Variants in IRAG1 observed in about 807,000 individuals in gnomAD.
IRAG1 encodes inositol 1,4,5-triphosphate receptor associated 1, also known as IP3R-associated cGMP kinase substrate.
IRAG1 carries 62 observed loss-of-function variants against 106.2 expected under a neutral mutation model. That is an observed-to-expected ratio of 0.58 (90% CI 0.48 to 0.72). IRAG1 has a LOEUF of 0.72. Ranked by LOEUF, IRAG1 falls within the 30% of genes least tolerant of loss-of-function variation. IRAG1 has a pLI of 0.00. For synonymous variants in IRAG1, 462 were observed against 443.9 expected, an observed-to-expected ratio of 1.04 and a Z score of -0.51; for missense variants, 1,064 against 1,140.7, an observed-to-expected ratio of 0.93 and a Z score of 0.97.
intron 2 of IRAG1, among the ~76,000 whole-genome samples, chr11:10,651,245 C>G (rs1026778163): frequency 2.0e-5 from 3 of 152,172 alleles, no homozygotes; most frequent in African/African-American, 7.2e-5. Context: ...CAAATAGGTT[C>G]TTCAAAAGGG....
At chr11:10,606,544 A>C (rs1403320532) in intron 12 of IRAG1, among the ~76,000 whole-genome samples, 198 bp downstream of exon 12, 1 of 152,206 alleles carries the variant, frequency 6.6e-6, no homozygotes, top group African/African-American at 2.4e-5. Flanking sequence ...CAAATTTGTC[A>C]AAATCTTCCA....
Position 10,626,526 on chromosome 11 carries a change from C to T in IRAG1, c.808G>A (p.Gly270Ser). 1 of 1,613,298 alleles carries T rather than the reference C, an allele frequency of 6.2e-7. No individual in the cohort carries two copies. The highest frequency in any genetic ancestry group is 8.5e-7 in the Non-Finnish European group (1 of 1,179,570). Residue 270 changes from glycine to serine, a missense_variant, in exon 9 of 21, where the codon GGC becomes AGC. Physicochemically the swap from Gly to Ser is moderately conservative, Grantham distance 56 (BLOSUM62 0). Transcript: ENST00000423302. ...GGAGGAGGACGAGGAGCCAGCCTGC[C>T]CTGAGACACTTTCCTCTGGTCATTC... ...KQNDQRKVSQ[G>S]RLAPRPPPVE...
In IRAG1 at chr11:10,639,087, T is replaced by G. The variant is rs187540697; in HGVS notation, c.226-5016A>C. 7.3e-4 allele frequency among the ~76,000 whole-genome samples: 111 copies of G among 152,086 alleles called. 3 individuals are homozygous for G. The East Asian group carries it at 0.02, about 27-fold the overall frequency. The stretch of plus-strand genomic sequence containing the variant: ...GGCATGCACCACCATGCCCAGCTAA[T>G]TTTTGTATTTTTAGTAGAGATGGGG... On this transcript the variant is annotated intron_variant, in intron 2 of 20. Transcript: ENST00000423302.
rs777744783 is a variant in IRAG1, at chr11:10,626,270, A to G, written c.1064T>C (p.Val355Ala). ...TCTCCCCTGGGAGGCTGGGGGACCC[A>G]CTCCTGCCGCATCCTGGGTTGGACT... ...PRSPTQDAAGVGPPASQGRGP... is the reference protein window; with the variant it reads ...PRSPTQDAAGAGPPASQGRGP... The change falls in exon 9 of 21, where the codon GTG (valine) becomes GCG (alanine). Residue 355 changes from valine (V) to alanine (A), a missense_variant. Transcript: ENST00000423302. The G allele has an allele frequency of 1.8e-5, 29 of 1,609,266 alleles. No individual in the cohort carries two copies. The highest frequency in any genetic ancestry group is 2.5e-5 in the Non-Finnish European group (29 of 1,177,740).
chr11:10,586,779 G>A (rs1365403462), intron 18 of IRAG1, among the ~76,000 whole-genome samples: 1 of 152,024 alleles, frequency 6.6e-6, no homozygotes, highest in Non-Finnish European at 1.5e-5. Flanking sequence ...GGGAGGCATT[G>A]ATGTATGTTT....
At chr11:10,649,607 T>A (rs757800376) in intron 2 of IRAG1, among the ~76,000 whole-genome samples, 1 of 152,188 alleles carries the variant, frequency 6.6e-6, no homozygotes, top group Non-Finnish European at 1.5e-5. Context: ...TCCTCCCTGA[T>A]AGGACCTGGG....
At position 10,690,668 on chromosome 11, in the gene IRAG1, AG is replaced by A. The variant is rs149258932; in HGVS notation, c.67+2867del. 2.6e-5 allele frequency among the ~76,000 whole-genome samples: 4 copies of A among 152,308 alleles called. No individual in the cohort carries two copies. The East Asian group carries it at 7.7e-4, about 29-fold the overall frequency. On this transcript the variant is annotated intron_variant, in intron 1 of 20. Transcript: ENST00000423302. ...TGCCCCAGGACCTAAGTTACTAACT[AG>A]CGGCAGGGTGACATCTAATGCAGGA... is the stretch of plus-strand genomic sequence containing the variant.
chr11:10,601,123 T>TG, intron 14 of IRAG1, 64 bp from the exon 15 acceptor site: 1 of 1,599,900 alleles, frequency 6.3e-7, no homozygotes, highest in Non-Finnish European at 8.5e-7. Context: ...GGCACTTATT[T>TG]GCTCTGACCT....
At chr11:10,648,635 A>G (rs1253617570) in intron 2 of IRAG1, among the ~76,000 whole-genome samples, 2 of 152,060 alleles carry the variant, frequency 1.3e-5, no homozygotes, top group Non-Finnish European at 2.9e-5. Context: ...CTTGGCTACA[A>G]ACTCTTCCCT....
At position 10,576,440 on chromosome 11, in the gene IRAG1, A is replaced by G; in HGVS notation, c.2631T>C (p.Ser877=). Residue 877 remains serine (S), a synonymous_variant, in exon 21 of 21, where the codon TCT becomes TCC. Transcript: ENST00000423302. ...GGGGCCCATCAGCCTGCTCTGCACA[A>G]GAGTTATAGGAATTGTAGAGCCCCA... ...VVLGLYNSYN[S]CAEQADGPLG... is the part of the protein sequence containing the mutation. 6.2e-7 allele frequency: 1 copy of G among 1,613,868 alleles called. No individual in the cohort carries two copies. Among genetic ancestry groups the G allele is most frequent in the Non-Finnish European group, 8.5e-7 (1 of 1,179,788 alleles).
In IRAG1 at chr11:10,659,948, C is replaced by T. The variant is rs942105791; in HGVS notation, c.68-7766G>A. On this transcript the variant is annotated intron_variant, in intron 1 of 20. Transcript: ENST00000423302. This position sits in a 1 kb window ranked among gnomAD's most constrained non-coding sequence, Gnocchi z 4.1. The stretch of plus-strand genomic sequence containing the variant: ...CATCATCCTGGGGTCAAGGACCACA[C>T]GGCATTCTGGGTCTGTGAGATCCCA... Among the ~76,000 whole-genome samples, 7 of 152,152 alleles carry T rather than the reference C, an allele frequency of 4.6e-5. No homozygotes were observed. The highest frequency in any genetic ancestry group is 1.4e-4 in the African/African-American group (6 of 41,430).
At chr11:10,629,291 C>T (rs1485626770) in intron 5 of IRAG1, among the ~76,000 whole-genome samples, 2 of 152,158 alleles carry the variant, frequency 1.3e-5, no homozygotes. Flanking sequence ...CCAGGAAAAC[C>T]TTCCCTCTAA....
At position 10,591,577 on chromosome 11, in the gene IRAG1, G is replaced by A; in HGVS notation, c.2211C>T (p.Val737=). The stretch of plus-strand genomic sequence containing the variant: ...CCAAAAGTGCAGGCAGTGCTGAAGT[G>A]ACAGGTAGGCTGCCTTTCCCATTGG... The part of the protein sequence containing the change: ...ESPNGKGSLP[V]TSALPALLEN... The change falls in exon 18 of 21, where the codon GTC becomes GTT. Residue 737 remains valine (V), a synonymous_variant. Coordinates refer to ENST00000423302, the MANE Select transcript of IRAG1 (RefSeq NM_130385.4). The A allele has an allele frequency of 1.3e-6, 2 of 1,598,674 alleles. No individual in the cohort carries two copies. Among genetic ancestry groups the A allele is most frequent in the South Asian group, 1.1e-5 (1 of 87,820 alleles).
rs1554935659 is a variant in IRAG1 at position 10,680,368 on chromosome 11, A to AGAAGGAAG, written c.67+13160_67+13167dup. 1.5e-3 allele frequency among the ~76,000 whole-genome samples: 123 copies of AGAAGGAAG among 80,948 alleles called. 1 individual carries two copies. The highest frequency in any genetic ancestry group is 6.2e-3 in the African/African-American group (102 of 16,342). 53.1% of individuals were successfully genotyped at this position (80,948 alleles called of 152,430 possible). On this transcript the variant is annotated intron_variant, in intron 1 of 20. Coordinates refer to ENST00000423302, the MANE Select transcript of IRAG1 (RefSeq NM_130385.4). ...AGGAAAGAAAGAAAGAAAGAAAGAA[A>AGAAGGAAG]GAAGGAAGGAAGGAAGGAAGGAAGG...
At chr11:10,656,358 A>G (rs1174674252) in intron 1 of IRAG1, among the ~76,000 whole-genome samples, 1 of 152,108 alleles carries the variant, frequency 6.6e-6, no homozygotes, top group African/African-American at 2.4e-5. Flanking sequence ...AACCTGGCCC[A>G]TTTTACAGGC....
At chr11:10,689,236 A>G (rs1173822243) in intron 1 of IRAG1, among the ~76,000 whole-genome samples, 1 of 152,196 alleles carries the variant, frequency 6.6e-6, no homozygotes, top group East Asian at 1.9e-4. Flanking sequence ...TGGTGAAGGC[A>G]TATGAGGCTT....
chr11:10,688,087 CA>C (rs1861796699), intron 1 of IRAG1, among the ~76,000 whole-genome samples: 1 of 147,774 alleles, frequency 6.8e-6, no homozygotes, highest in African/African-American at 2.5e-5. Context: ...GCAAATATTC[CA>C]AAGGCCAAAA....
chr11:10,655,292 C>G (rs1262243854), intron 1 of IRAG1, among the ~76,000 whole-genome samples: 3 of 152,234 alleles, frequency 2.0e-5, no homozygotes, highest in Non-Finnish European at 4.4e-5. Context: ...CAAATTGGGA[C>G]ATGTTTTGAA....
At chr11:10,592,771 T>A (rs1786450375) in intron 17 of IRAG1, among the ~76,000 whole-genome samples, 1 of 152,158 alleles carries the variant, frequency 6.6e-6, no homozygotes, top group Non-Finnish European at 1.5e-5. Flanking sequence ...AGGAAGAAAA[T>A]AAAAATGAAC....
Sources: allele counts gnomAD v4.1 joint callset (sites outside exome capture counted in the v4.1 genomes callset), GRCh38; gene constraint gnomAD v4.1.1; non-coding constraint Gnocchi (gnomAD v3.1); transcripts MANE v1.5; gene names NCBI Gene and HGNC (gene_info 2026-07-23, HGNC 2026-07-21).